BRIP1: variants seen among roughly 807,000 people sequenced by gnomAD.
BRIP1 encodes Fanconi anemia group J protein.
Under a neutral mutation model 119.7 loss-of-function variants are expected in BRIP1, and 88 were observed. The observed-to-expected ratio is 0.74, with a 90% CI of 0.62 to 0.88. The LOEUF (loss-of-function observed/expected upper bound fraction) is 0.88, where lower values mean the gene tolerates loss of function less well. Ranked by LOEUF, BRIP1 falls within the 40% of genes least tolerant of loss-of-function variation. The pLI, the probability that BRIP1 is intolerant of heterozygous loss-of-function variation, is 0.00. For missense variants in BRIP1, 1,259 were observed against 1,455.4 expected, an observed-to-expected ratio of 0.87 and a Z score of 2.20; for synonymous variants, 443 against 496.5, an observed-to-expected ratio of 0.89 and a Z score of 1.43.
chr17:61,820,961 A>C (rs1567847891), intron 6 of BRIP1, among the ~76,000 whole-genome samples: 2 of 146,184 alleles, frequency 1.4e-5, no homozygotes, highest in Non-Finnish European at 3.0e-5. Flanking sequence ...AAAAAAAAAA[A>C]AGAAAGAAAG....
At chr17:61,765,829 GCACA>G (rs71150698) in intron 14 of BRIP1, among the ~76,000 whole-genome samples, 63 of 146,540 alleles carry the variant, frequency 4.3e-4, no homozygotes, top group Middle Eastern at 7.0e-3. Flanking sequence ...CTATATTCAT[GCACA>G]CACACACACA....
intron 6 of BRIP1, among the ~76,000 whole-genome samples, chr17:61,835,283 A>C (rs1296861088): frequency 1.3e-5 from 2 of 152,230 alleles, no homozygotes; most frequent in East Asian, 3.8e-4. Context: ...TTTCTAACAG[A>C]GAGTTTGGAG....
chr17:61,787,113 A>C (rs1448099196), intron 10 of BRIP1, among the ~76,000 whole-genome samples: 1 of 113,084 alleles, frequency 8.8e-6, no homozygotes, highest in Non-Finnish European at 1.6e-5. Flanking sequence ...AAATATATTA[A>C]TATATAATAT....
In BRIP1 at chr17:61,815,134, C is replaced by G. The variant is rs2078218214; in HGVS notation, c.628-6377G>C. On this transcript the variant is annotated intron_variant, in intron 6 of 19. Coordinates refer to ENST00000259008, the MANE Select transcript of BRIP1 (RefSeq NM_032043.3). This position sits in a 1 kb window ranked among gnomAD's most constrained non-coding sequence, Gnocchi z 4.1. ...TGCTGGAAAAAAAAAAAAAAACCCA[C>G]AGTAAATATACTCTGTTCTGGTTTC... Among the ~76,000 whole-genome samples the G allele has an allele frequency of 6.8e-6, 1 of 147,248 alleles. No homozygotes were observed. The highest frequency in any genetic ancestry group is 2.5e-5 in the African/African-American group (1 of 40,016).
At position 61,769,759 on chromosome 17, in the gene BRIP1, G is replaced by A. The variant is rs1025804493; in HGVS notation, c.2097+6642C>T. 1.3e-5 allele frequency among the ~76,000 whole-genome samples: 2 copies of A among 152,158 alleles called. No homozygotes were observed. Among genetic ancestry groups the A allele is most frequent in the African/African-American group, 4.8e-5 (2 of 41,438 alleles). On this transcript the variant is annotated intron_variant, in intron 14 of 19. Coordinates refer to ENST00000259008, the MANE Select transcript of BRIP1 (RefSeq NM_032043.3). The surrounding 1 kb of genome is among the most constrained non-coding windows in gnomAD (Gnocchi z 4.9). ...GCCACCCTGAAATCTGGAGAGACAG[G>A]TAAATACAGAGAATCAAGATATGCT... is the stretch of plus-strand genomic sequence containing the variant.
At position 61,681,020 on chromosome 17, in the gene BRIP1, G is replaced by C. The variant is rs1049245000; in HGVS notation, c.*2276C>G. ...CATGGCGGAAGGCAACTTTTCACAG[G>C]GCAGCAGGAGAGAAGAATGAGAGTG... On this transcript the variant is annotated 3_prime_UTR_variant, in exon 20 of 20. Coordinates refer to ENST00000259008, the MANE Select transcript of BRIP1 (RefSeq NM_032043.3). The surrounding 1 kb of genome is among the most constrained non-coding windows in gnomAD (Gnocchi z 5.1). Among the ~76,000 whole-genome samples the C allele has an allele frequency of 6.6e-6, 1 of 152,100 alleles. No homozygotes were observed. Among genetic ancestry groups the C allele is most frequent in the East Asian group, 1.9e-4 (1 of 5,188 alleles).
chr17:61,807,742 G>T lies in BRIP1; in HGVS notation c.918+725C>A, dbSNP rs2078095337. ...TCAATTTATGGTTCACTGATTTGGG[G>T]GTATAATTTCATACTTGCAACTTCA... On this transcript the variant is annotated intron_variant, in intron 7 of 19. Coordinates refer to ENST00000259008, the MANE Select transcript of BRIP1 (RefSeq NM_032043.3). This position sits in a 1 kb window ranked among gnomAD's most constrained non-coding sequence, Gnocchi z 4.5. Among the ~76,000 whole-genome samples the T allele has an allele frequency of 2.0e-5, 3 of 151,862 alleles. No homozygotes were observed. The South Asian group carries it at 6.2e-4, about 31-fold the overall frequency.
Position 61,846,392 on chromosome 17 carries a change from C to CT in BRIP1, c.627+708dup, listed in dbSNP as rs557897912. ...CCAAAAGGCAATAATGTATTTTTTCCTTTTTTTTTTTGAGACGGGGTCTCA... is the reference window on the plus strand; with the variant it reads ...CCAAAAGGCAATAATGTATTTTTTCCTTTTTTTTTTTTGAGACGGGGTCTCA... On this transcript the variant is annotated intron_variant, in intron 6 of 19. Transcript: ENST00000259008. This position sits in a 1 kb window ranked among gnomAD's most constrained non-coding sequence, Gnocchi z 4.3. Among the ~76,000 whole-genome samples, 386 of 144,852 alleles carry CT rather than the reference C, an allele frequency of 2.7e-3. No individual in the cohort carries two copies. The highest frequency in any genetic ancestry group is 3.9e-3 in the African/African-American group (157 of 39,764).
At chr17:61,813,190 G>C (rs2078188976) in intron 6 of BRIP1, among the ~76,000 whole-genome samples, 1 of 151,498 alleles carries the variant, frequency 6.6e-6, no homozygotes, top group African/African-American at 2.4e-5. Flanking sequence ...AAGAAGTAGA[G>C]AGAAAAAGAG....
At chr17:61,749,411 TAA>T (rs1000787631) in intron 14 of BRIP1, among the ~76,000 whole-genome samples, 1 of 151,080 alleles carries the variant, frequency 6.6e-6, no homozygotes, top group Non-Finnish European at 1.5e-5. Flanking sequence ...AACCCAATAT[TAA>T]AAAAAAATTG....
rs1352468458 is a variant in BRIP1, at chr17:61,686,789, G to A, written c.2576-624C>T. On this transcript the variant is annotated intron_variant, in intron 18 of 19. Coordinates refer to ENST00000259008, the MANE Select transcript of BRIP1 (RefSeq NM_032043.3). The surrounding 1 kb of genome is among the most constrained non-coding windows in gnomAD (Gnocchi z 5.4). ...TGATTTGACCTGTGACATAAAAACT[G>A]CACAAAAATGAAACCTAAGAGTTTA... Among the ~76,000 whole-genome samples the A allele has an allele frequency of 6.6e-6, 1 of 151,980 alleles. No homozygotes were observed. The highest frequency in any genetic ancestry group is 1.5e-5 in the Non-Finnish European group (1 of 67,956).
intron 17 of BRIP1, among the ~76,000 whole-genome samples, chr17:61,696,391 T>C (rs972832170): frequency 3.3e-5 from 5 of 152,198 alleles, no homozygotes; most frequent in Admixed American, 6.5e-5. Context: ...TCTATAGTCA[T>C]ATGAAATATT....
chr17:61,741,652 T>A (rs371845226), intron 16 of BRIP1, among the ~76,000 whole-genome samples: 47 of 152,228 alleles, frequency 3.1e-4, no homozygotes, highest in African/African-American at 1.1e-3. Flanking sequence ...CATGTGTGGT[T>A]AATGAGCAGT....
chr17:61,835,033 CAG>C (rs780010323), intron 6 of BRIP1, among the ~76,000 whole-genome samples: 2 of 152,200 alleles, frequency 1.3e-5, no homozygotes, highest in East Asian at 1.9e-4. Flanking sequence ...GGCAGAATAT[CAG>C]GGGTTGATAT....
At chr17:61,765,381 A>G (rs9911657) in intron 14 of BRIP1, among the ~76,000 whole-genome samples, 3 of 28,184 alleles carry the variant, frequency 1.1e-4, no homozygotes, top group African/African-American at 4.6e-4. Context: ...TGTATATATT[A>G]TATATATATA....
At position 61,751,585 on chromosome 17, in the gene BRIP1, C is replaced by G. The variant is rs1002559709; in HGVS notation, c.2098-6994G>C. Among the ~76,000 whole-genome samples the G allele has an allele frequency of 6.6e-6, 1 of 151,930 alleles. No homozygotes were observed. The highest frequency in any genetic ancestry group is 1.5e-5 in the Non-Finnish European group (1 of 67,976). On this transcript the variant is annotated intron_variant, in intron 14 of 19. Coordinates refer to ENST00000259008, the MANE Select transcript of BRIP1 (RefSeq NM_032043.3). This position sits in a 1 kb window ranked among gnomAD's most constrained non-coding sequence, Gnocchi z 6.7. ...AATGAACTAGTTTCTCACATATTAA[C>G]CAGGATGAATCATAAACTTCTAGAT...
Position 61,699,392 on chromosome 17 carries a change from G to A in BRIP1, c.2493-5880C>T, listed in dbSNP as rs2061577907. ...CCATTACTTTCCATTTTCTCCAATA[G>A]ACACTTTCCAGTATATAATTTTAAT... On this transcript the variant is annotated intron_variant, in intron 17 of 19. Coordinates refer to ENST00000259008, the MANE Select transcript of BRIP1 (RefSeq NM_032043.3). The surrounding 1 kb of genome is among the most constrained non-coding windows in gnomAD (Gnocchi z 4.8). Among the ~76,000 whole-genome samples the A allele has an allele frequency of 6.6e-6, 1 of 152,012 alleles. No homozygotes were observed. The highest frequency in any genetic ancestry group is 2.1e-4 in the South Asian group (1 of 4,830).
Position 61,767,295 on chromosome 17 carries a change from T to C in BRIP1, c.2097+9106A>G, listed in dbSNP as rs2077386771. Among the ~76,000 whole-genome samples, 2 of 152,054 alleles carry C rather than the reference T, an allele frequency of 1.3e-5. No individual in the cohort carries two copies. The highest frequency in any genetic ancestry group is 2.9e-5 in the Non-Finnish European group (2 of 68,008). On this transcript the variant is annotated intron_variant, in intron 14 of 19. Coordinates refer to ENST00000259008, the MANE Select transcript of BRIP1 (RefSeq NM_032043.3). This position sits in a 1 kb window ranked among gnomAD's most constrained non-coding sequence, Gnocchi z 5.7. Reference sequence around the variant, plus strand: ...ACTTTAGACATATATTTTTCTTTTTTAGAGATAGGGTCTTGCTATTGGCCA... The same window carrying C: ...ACTTTAGACATATATTTTTCTTTTTCAGAGATAGGGTCTTGCTATTGGCCA...
Position 61,795,595 on chromosome 17 carries a change from T to A in BRIP1, c.1341-1866A>T, listed in dbSNP as rs1260511940. On this transcript the variant is annotated intron_variant, in intron 9 of 19. Transcript: ENST00000259008. This position sits in a 1 kb window ranked among gnomAD's most constrained non-coding sequence, Gnocchi z 5.6. ...CAAATGACAGGATCTCCTTCTGTGT[T>A]ATGGCTGAATGGTACTCCATTGTGT... is the stretch of plus-strand genomic sequence containing the variant. Among the ~76,000 whole-genome samples, 4 of 152,160 alleles carry A rather than the reference T, an allele frequency of 2.6e-5. No individual in the cohort carries two copies. Among genetic ancestry groups the A allele is most frequent in the African/African-American group, 9.6e-5 (4 of 41,452 alleles).
Sources: gnomAD v4.1 joint callset for allele counts (sites outside exome capture counted in the v4.1 genomes callset) on GRCh38, gnomAD v4.1.1 for gene constraint, Gnocchi (gnomAD v3.1) non-coding constraint, MANE v1.5 for transcripts, NCBI Gene and HGNC (gene_info 2026-07-23, HGNC 2026-07-21) for gene names.